Variants in NEGR1 observed in about 807,000 individuals in gnomAD.
NEGR1 encodes neuronal growth regulator 1.
NEGR1 carries 10 observed loss-of-function variants against 40.9 expected under a neutral mutation model. The observed-to-expected ratio is 0.24, with a 90% CI of 0.15 to 0.42. The LOEUF (loss-of-function observed/expected upper bound fraction) is 0.42. Among genes scored for constraint, NEGR1 ranks in the 10% least tolerant of loss-of-function variants. The pLI is 1.00. For missense variants in NEGR1, 352 were observed against 438.9 expected, an observed-to-expected ratio of 0.80 and a Z score of 1.77; for synonymous variants, 185 against 166.8, an observed-to-expected ratio of 1.11 and a Z score of -0.84.
chr1:71,898,486 A>G (rs1661033499), intron 2 of NEGR1, among the ~76,000 whole-genome samples: 1 of 152,076 alleles, frequency 6.6e-6, no homozygotes. Flanking sequence ...GTAGTGGCGG[A>G]TGCCTGTAGT....
At chr1:72,011,552 A>T (rs1646657491) in intron 1 of NEGR1, among the ~76,000 whole-genome samples, 1 of 152,184 alleles carries the variant, frequency 6.6e-6, no homozygotes, top group Non-Finnish European at 1.5e-5. Context: ...ATCAAGCAAG[A>T]TACCAAAGGG....
chr1:72,155,190 A>G (rs1204370412), intron 1 of NEGR1, among the ~76,000 whole-genome samples: 1 of 151,990 alleles, frequency 6.6e-6, no homozygotes, highest in Non-Finnish European at 1.5e-5. Flanking sequence ...TGATAAAACC[A>G]CTACGACTTT....
intron 4 of NEGR1, among the ~76,000 whole-genome samples, chr1:71,639,196 G>C (rs1454248276): frequency 2.2e-5 from 3 of 136,420 alleles, no homozygotes; most frequent in African/African-American, 8.7e-5. Flanking sequence ...AAGATGAACA[G>C]ATGTTCAGGG....
chr1:72,081,990 G>A (rs1420288811), intron 1 of NEGR1, among the ~76,000 whole-genome samples: 1 of 151,984 alleles, frequency 6.6e-6, no homozygotes, highest in Non-Finnish European at 1.5e-5. Flanking sequence ...TTTAGTAAGG[G>A]GTGTAGCAAG....
intron 1 of NEGR1, among the ~76,000 whole-genome samples, chr1:72,173,721 A>G (rs541537230): frequency 6.6e-6 from 1 of 152,262 alleles, no homozygotes; most frequent in East Asian, 1.9e-4. Flanking sequence ...CAGGCAGATC[A>G]CCTGAGGTGA....
At chr1:71,740,229 C>T (rs2101675348) in intron 3 of NEGR1, among the ~76,000 whole-genome samples, 1 of 152,300 alleles carries the variant, frequency 6.6e-6, no homozygotes, top group East Asian at 1.9e-4. Flanking sequence ...TACGTCACAA[C>T]CATTCTTCTC....
chr1:72,105,956 C>T (rs1247670297), intron 1 of NEGR1, among the ~76,000 whole-genome samples: 1 of 152,014 alleles, frequency 6.6e-6, no homozygotes, highest in Non-Finnish European at 1.5e-5. Flanking sequence ...ATAAGAGATG[C>T]CAGATGGCAG....
At chr1:71,900,208 C>T (rs1257118754) in intron 2 of NEGR1, among the ~76,000 whole-genome samples, 2 of 152,094 alleles carry the variant, frequency 1.3e-5, no homozygotes, top group East Asian at 3.8e-4. Context: ...GTAAGGGATG[C>T]TATAGTGGAG....
At chr1:72,226,130 C>G (rs1302357868) in intron 1 of NEGR1, among the ~76,000 whole-genome samples, 1 of 151,770 alleles carries the variant, frequency 6.6e-6, no homozygotes, top group Non-Finnish European at 1.5e-5. Flanking sequence ...CTGGCTTAAT[C>G]AAGATCTAAA....
At chr1:71,544,866 C>T (rs1292314392) in intron 6 of NEGR1, among the ~76,000 whole-genome samples, 1 of 151,624 alleles carries the variant, frequency 6.6e-6, no homozygotes, top group Non-Finnish European at 1.5e-5. Context: ...GGTTCTGGTC[C>T]TGTGGATTGT....
At chr1:71,466,912 C>T (rs1646749764) in intron 6 of NEGR1, among the ~76,000 whole-genome samples, 1 of 152,078 alleles carries the variant, frequency 6.6e-6, no homozygotes, top group African/African-American at 2.4e-5. Context: ...ATTCAGAGAG[C>T]ATTTCACAGA....
At chr1:71,411,845 C>CA (rs899084029) in intron 6 of NEGR1, among the ~76,000 whole-genome samples, 5 of 151,892 alleles carry the variant, frequency 3.3e-5, no homozygotes, top group East Asian at 1.9e-4. Flanking sequence ...ACTAAAAATA[C>CA]AAAAAAATAG....
chr1:72,034,666 C>A (rs1646887208), intron 1 of NEGR1, among the ~76,000 whole-genome samples: 1 of 152,106 alleles, frequency 6.6e-6, no homozygotes, highest in African/African-American at 2.4e-5. Context: ...CACAAAAGGC[C>A]TTTGCATTCT....
chr1:71,656,537 C>G (rs1468507638), intron 4 of NEGR1, among the ~76,000 whole-genome samples: 1 of 152,060 alleles, frequency 6.6e-6, no homozygotes, highest in Non-Finnish European at 1.5e-5. Flanking sequence ...CTCAGCCTCC[C>G]GAGTAGCTGG....
At chr1:71,565,187 A>G (rs1648580300) in intron 6 of NEGR1, among the ~76,000 whole-genome samples, 2 of 152,152 alleles carry the variant, frequency 1.3e-5, no homozygotes, top group Admixed American at 1.3e-4. Flanking sequence ...AAGCCTTTCT[A>G]TGAATTCTAT....
chr1:71,738,819 G>A (rs1655117340), intron 3 of NEGR1, among the ~76,000 whole-genome samples: 1 of 151,988 alleles, frequency 6.6e-6, no homozygotes. Flanking sequence ...TGCCTTCCTA[G>A]GGATGCACGA....
intron 1 of NEGR1, among the ~76,000 whole-genome samples, chr1:71,991,668 A>G (rs1646453023): frequency 6.7e-6 from 1 of 149,444 alleles, no homozygotes; most frequent in Admixed American, 6.6e-5. Context: ...TACTTAATCC[A>G]CTAGGTTGCA....
chr1:72,117,373 C>T (rs1037819065), intron 1 of NEGR1, among the ~76,000 whole-genome samples: 1 of 151,798 alleles, frequency 6.6e-6, no homozygotes, highest in Non-Finnish European at 1.5e-5. Flanking sequence ...CTCTATTATT[C>T]ATACCAGCAG....
intron 1 of NEGR1, among the ~76,000 whole-genome samples, chr1:72,133,475 T>C (rs188974402): frequency 8.2e-4 from 124 of 152,098 alleles, no homozygotes; most frequent in African/African-American, 2.8e-3. Flanking sequence ...AATTTTGGTT[T>C]GTATTAAGCA....
Sources: gnomAD v4.1 joint callset for allele counts (sites outside exome capture counted in the v4.1 genomes callset) on GRCh38, gnomAD v4.1.1 for gene constraint, MANE v1.5 for transcripts, NCBI Gene and HGNC (gene_info 2026-07-23, HGNC 2026-07-21) for gene names.